MYH7: variants seen among roughly 807,000 people sequenced by gnomAD.
MYH7 encodes myosin heavy chain 7.
Under a neutral mutation model 225.4 loss-of-function variants are expected in MYH7, and 129 were observed. The observed-to-expected ratio is 0.57, with a 90% CI of 0.50 to 0.66. The LOEUF (loss-of-function observed/expected upper bound fraction) is 0.66, where lower values mean the gene tolerates loss of function less well. Ranked by LOEUF, MYH7 falls within the 30% of genes least tolerant of loss-of-function variation. The probability of loss-of-function intolerance (pLI) is 0.00; values close to 1 mark genes in which losing one functional copy is unlikely to be tolerated. For missense variants in MYH7, 1,649 were observed against 2,517.0 expected (o/e 0.66, Z 7.38); for synonymous variants, 971 against 1,007.6 (o/e 0.96, Z 0.69).
chr14:23,428,878 C>G (rs1375269062), intron 14 of MYH7, 77 bp downstream of exon 14: 10 of 1,608,742 alleles, frequency 6.2e-6, no homozygotes, highest in African/African-American at 1.3e-5. Context: ...TGGTCCACAG[C>G]TGGCTCTAAG....
chr14:23,432,672 T>G lies in MYH7; in HGVS notation c.469A>C (p.Ile157Leu). ...RSEAPPHIFS[I>L]SDNAYQYMLT... Reference sequence around the variant, plus strand: ...ATGTACTGATAGGCGTTGTCGGAGATGGAGAAGATGTGGGGCGGGGCCTCG... The same window carrying G: ...ATGTACTGATAGGCGTTGTCGGAGAGGGAGAAGATGTGGGGCGGGGCCTCG... Residue 157 changes from isoleucine to leucine, a missense_variant, in exon 5 of 40, where the codon ATC (isoleucine) becomes CTC (leucine). By Grantham distance (5) the Ile-to-Leu change is conservative (BLOSUM62 2). This residue lies in a region of MYH7 where 77 missense variants were observed against 144.0 expected (regional missense o/e 0.53). Transcript: ENST00000355349. 1.9e-6 allele frequency: 3 copies of G among 1,613,928 alleles called. No homozygotes were observed. The highest frequency in any genetic ancestry group is 2.5e-6 in the Non-Finnish European group (3 of 1,179,976).
Position 23,432,781 on chromosome 14 carries a change from G to A in MYH7, c.360C>T (p.Leu120=), listed in dbSNP as rs1460540849. The change falls in exon 5 of 40, where the codon CTC becomes CTT. Residue 120 remains leucine, a synonymous_variant. Transcript: ENST00000355349. ...TGTAAGGGTTGACGGTGACACAGAAGAGGCCCGAGTAGGTCTGGGGATAGA... is the reference window on the plus strand; with the variant it reads ...TGTAAGGGTTGACGGTGACACAGAAAAGGCCCGAGTAGGTCTGGGGATAGA... ...GSWMIYTYSG[L]FCVTVNPYKW... is the part of the protein sequence containing the mutation. 6.2e-7 allele frequency: 1 copy of A among 1,614,106 alleles called. No homozygotes were observed. Among genetic ancestry groups the A allele is most frequent in the African/African-American group, 1.3e-5 (1 of 74,934 alleles).
chr14:23,428,689 G>T lies in MYH7; in HGVS notation c.1408-19C>A, dbSNP rs758286237. 1.1e-5 allele frequency: 18 copies of T among 1,613,870 alleles called. No individual in the cohort carries two copies. Among genetic ancestry groups the T allele is most frequent in the South Asian group, 3.3e-5 (3 of 91,084 alleles). On this transcript the variant is annotated intron_variant, in intron 14 of 39. Transcript: ENST00000355349. Reference sequence around the variant, plus strand: ...TGTTGAACTGCAGGGGGCATGAGGGGTGGGAGCAGTCAGAAAGTGGGTGTG... The same window carrying T: ...TGTTGAACTGCAGGGGGCATGAGGGTTGGGAGCAGTCAGAAAGTGGGTGTG...
Position 23,427,305 on chromosome 14 carries a change from T to A in MYH7, c.1891A>T (p.Ile631Phe). The A allele has an allele frequency of 6.2e-7, 1 of 1,614,012 alleles. No individual in the cohort carries two copies. The highest frequency in any genetic ancestry group is 1.1e-5 in the South Asian group (1 of 91,078). Residue 631 changes from isoleucine (I) to phenylalanine (F), a missense_variant and splice_region_variant, in exon 17 of 40, where the codon ATT (isoleucine) becomes TTT (phenylalanine). By Grantham distance (21) the Ile-to-Phe change is conservative. Coordinates refer to ENST00000355349, the MANE Select transcript of MYH7 (RefSeq NM_000257.4). ...TTGGCCTTGCCTTTGCCCTTCTCAA[T>A]AGCTGCAGGAAGGAGAGTCAACAAA... ...FANYAGADAP[I>F]EKGKGKAKKG... is the part of the protein sequence containing the mutation.
rs45464193 is a variant in MYH7, at chr14:23,415,715, C to T, written c.5071G>A (p.Val1691Met). The T allele has an allele frequency of 4.3e-5, 70 of 1,614,182 alleles. No individual in the cohort carries two copies. The highest frequency in any genetic ancestry group is 3.3e-4 in the Middle Eastern group (2 of 6,060). Residue 1691 changes from valine to methionine, a missense_variant, in exon 35 of 40, where the codon GTG becomes ATG. Val to Met is a conservative substitution (Grantham distance 21). Around this residue, in one of 12 missense-constraint regions of MYH7, gnomAD observed 687 missense variants for 913.8 expected, o/e 0.75. Coordinates refer to ENST00000355349, the MANE Select transcript of MYH7 (RefSeq NM_000257.4). The surrounding 1 kb of genome is among the most constrained non-coding windows in gnomAD (Gnocchi z 6.3). ...LQAELEELRAVVEQTERSRKL... is the reference protein window; with the variant it reads ...LQAELEELRAMVEQTERSRKL... Reference sequence around the variant, plus strand: ...CGGGACCGCTCTGTCTGCTCCACCACGGCACGCAACTCCTCCAGCTCAGCC... The same window carrying T: ...CGGGACCGCTCTGTCTGCTCCACCATGGCACGCAACTCCTCCAGCTCAGCC...
At chr14:23,431,930 A>C in intron 6 of MYH7, 61 bp from the exon 7 acceptor site, 2 of 1,544,990 alleles carry the variant, frequency 1.3e-6, no homozygotes, top group African/African-American at 1.4e-5. Flanking sequence ...CAAGCCTCAA[A>C]TCAGGAGAGA....
intron 22 of MYH7, 107 bp downstream of exon 22, chr14:23,424,662 T>C: frequency 6.3e-7 from 1 of 1,581,694 alleles, no homozygotes; most frequent in Non-Finnish European, 8.6e-7. Context: ...CCCAGAGTCC[T>C]CTGACTGAAG....
Position 23,415,334 on chromosome 14 carries a change from A to G in MYH7, c.5283+47T>C, listed in dbSNP as rs532242410. Reference sequence around the variant, plus strand: ...TCCTCACACACTTGCTGCCCAGCCCACGGAGAGACACTGGTCTGGATCGGG... The same window carrying G: ...TCCTCACACACTTGCTGCCCAGCCCGCGGAGAGACACTGGTCTGGATCGGG... On this transcript the variant is annotated intron_variant, in intron 36 of 39. Coordinates refer to ENST00000355349, the MANE Select transcript of MYH7 (RefSeq NM_000257.4). This position sits in a 1 kb window ranked among gnomAD's most constrained non-coding sequence, Gnocchi z 6.3. 2.5e-6 allele frequency: 4 copies of G among 1,614,216 alleles called. No individual in the cohort carries two copies. The highest frequency in any genetic ancestry group is 2.2e-5 in the East Asian group (1 of 44,876).
chr14:23,412,839 CAA>C lies in MYH7; in HGVS notation c.*13_*14del. The C allele has an allele frequency of 6.2e-7, 1 of 1,614,056 alleles. No individual in the cohort carries two copies. The highest frequency in any genetic ancestry group is 8.5e-7 in the Non-Finnish European group (1 of 1,179,958). On this transcript the variant is annotated 3_prime_UTR_variant, in exon 40 of 40. Transcript: ENST00000355349. ...CTGGCACCTCCAGGGCTGAGCAGAT[CAA>C]GATGTGGCAAAGCTACTCCTCATTC... is the stretch of plus-strand genomic sequence containing the variant.
chr14:23,434,776 G>C (rs192994730), intron 1 of MYH7, among the ~76,000 whole-genome samples: 1 of 152,256 alleles, frequency 6.6e-6, no homozygotes, highest in African/African-American at 2.4e-5. Context: ...TTTGTTGTCA[G>C]ACTTTGTGGA....
At chr14:23,417,783 C>A (rs1021082778) in intron 30 of MYH7, 97 bp from the exon 31 acceptor site, 4 of 1,489,836 alleles carry the variant, frequency 2.7e-6, no homozygotes, top group Admixed American at 3.7e-5. Flanking sequence ...ATCCTTGAAA[C>A]CTCAGAAGTG....
At chr14:23,426,113 G>A in intron 18 of MYH7, 32 bp from the exon 19 acceptor site, 1 of 1,611,798 alleles carries the variant, frequency 6.2e-7, no homozygotes, top group Non-Finnish European at 8.5e-7. Context: ...AGGAGTCTGT[G>A]AGAACACTGG....
chr14:23,420,941 G>C lies in MYH7; in HGVS notation c.3336+17C>G. 1 of 1,605,884 alleles carries C rather than the reference G, an allele frequency of 6.2e-7. No homozygotes were observed. The highest frequency in any genetic ancestry group is 8.5e-7 in the Non-Finnish European group (1 of 1,174,262). On this transcript the variant is annotated intron_variant, in intron 26 of 39. Coordinates refer to ENST00000355349, the MANE Select transcript of MYH7 (RefSeq NM_000257.4). ...AGCCCAGGGACTCAGCATCCCGCGT[G>C]GGTGTCCAGACCTCACCTGAAGCTC...
intron 18 of MYH7, 143 bp downstream of exon 18, chr14:23,426,634 C>T: frequency 1.3e-6 from 1 of 757,672 alleles, no homozygotes; most frequent in Non-Finnish European, 2.3e-6. Flanking sequence ...GAGGGAGGTA[C>T]CCTGGGAGGC....
In MYH7 at chr14:23,419,831, C is replaced by T. The variant is rs370332213; in HGVS notation, c.3726+14G>A. The T allele has an allele frequency of 4.3e-6, 7 of 1,613,912 alleles. No homozygotes were observed. The highest frequency in any genetic ancestry group is 1.7e-4 in the Middle Eastern group (1 of 6,058). Reference sequence around the variant, plus strand: ...AGGAGGAAGTTGGAGGAGGGGAGGCCGAGCAGAGCCTGCCTTGGCCTTGAT... The same window carrying T: ...AGGAGGAAGTTGGAGGAGGGGAGGCTGAGCAGAGCCTGCCTTGGCCTTGAT... On this transcript the variant is annotated intron_variant, in intron 27 of 39. Coordinates refer to ENST00000355349, the MANE Select transcript of MYH7 (RefSeq NM_000257.4).
Position 23,430,649 on chromosome 14 carries a change from T to C in MYH7, c.910A>G (p.Thr304Ala). 1.2e-6 allele frequency: 2 copies of C among 1,613,982 alleles called. No homozygotes were observed. The highest frequency in any genetic ancestry group is 2.2e-5 in the South Asian group (2 of 91,070). Reference sequence around the variant, plus strand: ...AATGCATAATCGTAGGGGTTGTTGGTGATCAGCAGCATGTCTAGGGGAAAA... The same window carrying C: ...AATGCATAATCGTAGGGGTTGTTGGCGATCAGCAGCATGTCTAGGGGAAAA... Reference protein sequence around the residue: ...KPELLDMLLITNNPYDYAFIS... With the variant: ...KPELLDMLLIANNPYDYAFIS... Residue 304 changes from threonine to alanine, a missense_variant, in exon 11 of 40, where the codon ACC becomes GCC. Physicochemically the swap from Thr to Ala is moderately conservative, Grantham distance 58. Around this residue, in one of 12 missense-constraint regions of MYH7, gnomAD observed 131 missense variants for 231.3 expected, o/e 0.57. Coordinates refer to ENST00000355349, the MANE Select transcript of MYH7 (RefSeq NM_000257.4).
intron 37 of MYH7, among the ~76,000 whole-genome samples, chr14:23,414,417 G>C (rs937671095): frequency 1.3e-5 from 2 of 152,104 alleles, no homozygotes; most frequent in African/African-American, 2.4e-5. Context: ...TCTGGACCTC[G>C]GCACATGCTG....
In MYH7 at chr14:23,430,890, C is replaced by G. The variant is rs727504860; in HGVS notation, c.895+11G>C. On this transcript the variant is annotated intron_variant, in intron 10 of 39. Transcript: ENST00000355349. The stretch of plus-strand genomic sequence containing the variant: ...GGAGATAGTTGGTCTCAGTCGGTGG[C>G]TCTGACTCACCCAGCAGCTCAGGCT... 2 of 1,601,990 alleles carry G rather than the reference C, an allele frequency of 1.2e-6. No individual in the cohort carries two copies. The highest frequency in any genetic ancestry group is 1.1e-5 in the South Asian group (1 of 90,868).
rs749154313 is a variant in MYH7, at chr14:23,416,016, C to G, written c.4941G>C (p.Gln1647His). Residue 1647 changes from glutamine (Q) to histidine (H), a missense_variant, in exon 34 of 40, where the codon CAG becomes CAC. Physicochemically the swap from Gln to His is conservative, Grantham distance 24. Transcript: ENST00000355349. The stretch of plus-strand genomic sequence containing the variant: ...TCTGGGTGAGTACCTTCAACAAGCT[C>G]TGGAGGCTCTTGACTTGCTTCTGGG... Reference protein sequence around the residue: ...AEAQKQVKSLQSLLKDTQIQL... With the variant: ...AEAQKQVKSLHSLLKDTQIQL... 6 of 1,614,202 alleles carry G rather than the reference C, an allele frequency of 3.7e-6. No individual in the cohort carries two copies. The East Asian group carries it at 1.1e-4, about 30-fold the overall frequency.
Sources: gnomAD v4.1 joint callset for allele counts (sites outside exome capture counted in the v4.1 genomes callset) on GRCh38, gnomAD v4.1.1 for gene constraint, gnomAD v4.1.1 regional missense constraint, Gnocchi (gnomAD v3.1) non-coding constraint, MANE v1.5 for transcripts, NCBI Gene and HGNC (gene_info 2026-07-23, HGNC 2026-07-21) for gene names.